The following TMEFF2 variants were observed in gnomAD, a reference collection of about 807,000 sequenced individuals.
TMEFF2 encodes the protein transmembrane protein with EGF like and two follistatin like domains 2.
A neutral mutation model predicts 53.8 loss-of-function variants in TMEFF2; 28 were observed. That is an observed-to-expected ratio of 0.52 (90% CI 0.39 to 0.71). The LOEUF is 0.71. Ranked by LOEUF, TMEFF2 falls within the 30% of genes least tolerant of loss-of-function variation. TMEFF2 has a pLI of 0.00. For synonymous variants in TMEFF2, 162 were observed against 166.3 expected (o/e 0.97, Z 0.20); for missense variants, 353 against 455.2 (o/e 0.78, Z 2.04).
chr2:191,984,102 G>A (rs182324255), intron 7 of TMEFF2, among the ~76,000 whole-genome samples: 67 of 152,128 alleles, frequency 4.4e-4, no homozygotes, highest in African/African-American at 1.4e-3. Flanking sequence ...GGTAAACTTC[G>A]TAAGTTCTTT....
intron 4 of TMEFF2, among the ~76,000 whole-genome samples, chr2:192,094,543 C>G (rs1574367243): frequency 6.6e-6 from 1 of 152,114 alleles, no homozygotes; most frequent in East Asian, 1.9e-4. Flanking sequence ...CTACACACCT[C>G]AATTTTTACC....
intron 4 of TMEFF2, among the ~76,000 whole-genome samples, chr2:192,078,321 A>G (rs1227180842): frequency 6.6e-6 from 1 of 152,208 alleles, no homozygotes; most frequent in African/African-American, 2.4e-5. Context: ...ACATATGTCA[A>G]TAAATGGTAG....
At chr2:192,154,890 G>A (rs991462481) in intron 4 of TMEFF2, among the ~76,000 whole-genome samples, 1 of 151,816 alleles carries the variant, frequency 6.6e-6, no homozygotes, top group Non-Finnish European at 1.5e-5. Flanking sequence ...ACAGGTTTCT[G>A]TACCACTGCA....
At chr2:192,073,600 AGTTT>A (rs981035119) in intron 4 of TMEFF2, among the ~76,000 whole-genome samples, 5 of 152,046 alleles carry the variant, frequency 3.3e-5, no homozygotes, top group East Asian at 3.9e-4. Flanking sequence ...AAAACCTACT[AGTTT>A]GTTTAGTAAG....
chr2:192,050,285 G>A (rs1350954827), intron 5 of TMEFF2, among the ~76,000 whole-genome samples: 1 of 152,070 alleles, frequency 6.6e-6, no homozygotes, highest in African/African-American at 2.4e-5. Flanking sequence ...ACCTAATTAA[G>A]TTTCATTAAT....
intron 4 of TMEFF2, among the ~76,000 whole-genome samples, chr2:192,076,243 A>G (rs1025455288): frequency 3.3e-5 from 5 of 152,108 alleles, no homozygotes; most frequent in Non-Finnish European, 5.9e-5. Flanking sequence ...TTGCTCTGTT[A>G]TATTTGAGAA....
At chr2:191,950,626 AGTT>A (rs1691846826) in intron 9 of TMEFF2, among the ~76,000 whole-genome samples, 1 of 82,048 alleles carries the variant, frequency 1.2e-5, no homozygotes, top group Non-Finnish European at 2.9e-5. Flanking sequence ...CACAGGCAGA[AGTT>A]GAAGAGGAAG....
intron 7 of TMEFF2, among the ~76,000 whole-genome samples, chr2:191,967,348 ATC>A (rs1692499718): frequency 6.6e-6 from 1 of 152,134 alleles, no homozygotes; most frequent in Non-Finnish European, 1.5e-5. Flanking sequence ...ATATATATAT[ATC>A]TGTGAGTTTT....
Position 192,184,494 on chromosome 2 carries a change from C to T in TMEFF2, c.283-11G>A. ...ATAGTCATTGTTGCACTGGGAAACA[C>T]ACAGATGTAAGCCTATAGTTAGTAC... On this transcript the variant is annotated splice_polypyrimidine_tract_variant and intron_variant, in intron 2 of 9. Coordinates refer to ENST00000272771, the MANE Select transcript of TMEFF2 (RefSeq NM_016192.4). The T allele has an allele frequency of 6.2e-7, 1 of 1,612,962 alleles. No individual in the cohort carries two copies. Among genetic ancestry groups the T allele is most frequent in the Non-Finnish European group, 8.5e-7 (1 of 1,179,294 alleles).
chr2:192,045,441 C>CA (rs1172218940), intron 5 of TMEFF2, among the ~76,000 whole-genome samples: 1 of 151,852 alleles, frequency 6.6e-6, no homozygotes, highest in Non-Finnish European at 1.5e-5. Flanking sequence ...TCTCAATGGG[C>CA]AAAAAACCAT....
chr2:191,952,321 T>C (rs532268074), intron 9 of TMEFF2, among the ~76,000 whole-genome samples: 1 of 152,342 alleles, frequency 6.6e-6, no homozygotes, highest in South Asian at 2.1e-4. Flanking sequence ...AAACATGAGC[T>C]AAAGTATTTA....
chr2:192,075,304 T>TATATATATATATATATATATATATAA (rs1688392692), intron 4 of TMEFF2, among the ~76,000 whole-genome samples: 1 of 17,276 alleles, frequency 5.8e-5, no homozygotes, highest in Non-Finnish European at 2.3e-4. Flanking sequence ...TATATATATA[T>TATATATATATATATATATATATATAA]ATATATATAT....
chr2:191,956,459 A>G lies in TMEFF2; in HGVS notation c.746-81T>C, dbSNP rs373578015. 6 of 1,447,620 alleles carry G rather than the reference A, an allele frequency of 4.1e-6. No individual in the cohort carries two copies. The African/African-American group carries it at 5.7e-5, about 14-fold the overall frequency. The allele number at this position is 1,447,620 out of a possible 1,614,324, so 89.7% of individuals were successfully genotyped here. A position where few individuals can be genotyped will look rare whatever the true frequency, so the allele number is the denominator to read the frequency against. On this transcript the variant is annotated intron_variant, in intron 7 of 9. Transcript: ENST00000272771. Reference sequence around the variant, plus strand: ...AACCAGTACATTAAGAAGCAAAGCTATGGTAGGCAAAGATATTTAAAAGGG... The same window carrying G: ...AACCAGTACATTAAGAAGCAAAGCTGTGGTAGGCAAAGATATTTAAAAGGG...
intron 5 of TMEFF2, among the ~76,000 whole-genome samples, chr2:192,055,739 C>T (rs1325072671): frequency 7.8e-6 from 1 of 128,412 alleles, no homozygotes. Context: ...CGTGCCACTG[C>T]ACTCTAGCCT....
intron 8 of TMEFF2, among the ~76,000 whole-genome samples, 167 bp from the exon 9 acceptor site, chr2:191,954,004 C>T (rs1329065083): frequency 6.7e-6 from 1 of 150,094 alleles, no homozygotes; most frequent in Non-Finnish European, 1.5e-5. Context: ...TCTCCTGCCT[C>T]AGCCTCCCGA....
intron 7 of TMEFF2, among the ~76,000 whole-genome samples, chr2:191,957,454 T>C (rs552204111): frequency 2.0e-5 from 3 of 152,272 alleles, no homozygotes; most frequent in South Asian, 2.1e-4. Flanking sequence ...TTTTATGAAA[T>C]GGTTTATTTC....
At chr2:192,144,560 T>G (rs1690207703) in intron 4 of TMEFF2, among the ~76,000 whole-genome samples, 1 of 152,082 alleles carries the variant, frequency 6.6e-6, no homozygotes, top group Non-Finnish European at 1.5e-5. Flanking sequence ...GTCCTTTATT[T>G]TGTAGACAAC....
At chr2:192,179,999 A>C (rs765164335) in intron 3 of TMEFF2, among the ~76,000 whole-genome samples, 5 of 151,558 alleles carry the variant, frequency 3.3e-5, no homozygotes, top group Non-Finnish European at 5.9e-5. Context: ...TGGTGCCATT[A>C]GCAAAATAAA....
At position 192,169,167 on chromosome 2, in the gene TMEFF2, A is replaced by G. The variant is rs530274884; in HGVS notation, c.439+10501T>C. The stretch of plus-strand genomic sequence containing the variant: ...CACATATAATACACAGACTATTTGA[A>G]TGAATCAGACTGATGATACAAAGTA... On this transcript the variant is annotated intron_variant, in intron 4 of 9. Coordinates refer to ENST00000272771, the MANE Select transcript of TMEFF2 (RefSeq NM_016192.4). Among the ~76,000 whole-genome samples the G allele has an allele frequency of 8.7e-4, 133 of 152,250 alleles. No individual in the cohort carries two copies. In the Middle Eastern group the frequency reaches 0.024, roughly 27 times the overall value.
Sources: gnomAD v4.1 joint callset for allele counts (sites outside exome capture counted in the v4.1 genomes callset) on GRCh38, gnomAD v4.1.1 for gene constraint, MANE v1.5 for transcripts, NCBI Gene and HGNC (gene_info 2026-07-23, HGNC 2026-07-21) for gene names.